FRMPD4: variants seen among roughly 807,000 people sequenced by gnomAD.
FRMPD4 encodes FERM and PDZ domain-containing protein 4.
Under a neutral mutation model 94.1 loss-of-function variants are expected in FRMPD4, and 22 were observed. The ratio of observed to expected loss-of-function variants is 0.23; its 90% CI spans 0.17 to 0.33. The LOEUF is 0.33. Ranked by LOEUF, FRMPD4 falls within the 10% of genes least tolerant of loss-of-function variation. The probability of loss-of-function intolerance (pLI) is 1.00; values close to 1 mark genes in which losing one functional copy is unlikely to be tolerated. For missense variants in FRMPD4, 1,111 were observed against 1,339.9 expected, an observed-to-expected ratio of 0.83 and a Z score of 2.67; for synonymous variants, 631 against 548.6, an observed-to-expected ratio of 1.15 and a Z score of -2.10.
At chrX:12,303,705 G>A (rs976594750) in intron 1 of FRMPD4, among the ~76,000 whole-genome samples, 1 of 111,730 alleles carries the variant, frequency 9.0e-6, no homozygotes, top group Non-Finnish European at 1.9e-5. Context: ...AATAAGAAGA[G>A]TTTAAAAAGG....
chrX:12,291,262 CTT>C (rs1569220344), intron 1 of FRMPD4, among the ~76,000 whole-genome samples: 1 of 112,024 alleles, frequency 8.9e-6, no homozygotes, highest in East Asian at 2.8e-4. Context: ...ACTACCTGAA[CTT>C]TTCTCTCCTT....
At chrX:12,536,585 T>C (rs1449558085) in intron 2 of FRMPD4, among the ~76,000 whole-genome samples, 1 of 111,915 alleles carries the variant, frequency 8.9e-6, no homozygotes, top group African/African-American at 3.2e-5. Flanking sequence ...ATTAATAATA[T>C]GGTAAAATAG....
At chrX:12,315,721 TG>T (rs2055103922) in intron 1 of FRMPD4, among the ~76,000 whole-genome samples, 1 of 112,093 alleles carries the variant, frequency 8.9e-6, no homozygotes, top group African/African-American at 3.2e-5. Context: ...ACAAACAAAA[TG>T]TTGTCATGGG....
At chrX:12,239,317 G>T (rs190803491) in intron 1 of FRMPD4, among the ~76,000 whole-genome samples, 6 of 112,501 alleles carry the variant, frequency 5.3e-5, no homozygotes, top group Admixed American at 4.7e-4. Context: ...TTTAACTTCA[G>T]GGAAATCTGG....
At chrX:11,843,459 T>C (rs868583974) in intron 1 of FRMPD4, among the ~76,000 whole-genome samples, 2 of 112,264 alleles carry the variant, frequency 1.8e-5, no homozygotes, top group African/African-American at 6.5e-5. Flanking sequence ...TACTTTTTCT[T>C]ATGTTCTTTA....
intron 1 of FRMPD4, among the ~76,000 whole-genome samples, chrX:12,355,876 C>A (rs2055887804): frequency 9.0e-6 from 1 of 111,716 alleles, no homozygotes; most frequent in Non-Finnish European, 1.9e-5. Context: ...TGATTAATGC[C>A]CACATGAGAA....
At chrX:12,560,477 GAAAAAAAA>G (rs199808235) in intron 2 of FRMPD4, among the ~76,000 whole-genome samples, 19,850 of 82,700 alleles carry the variant, frequency 0.24, 1,598 homozygotes, top group South Asian at 0.32. Flanking sequence ...CTTTAAAAAT[GAAAAAAAA>G]AAAAAAAAAA....
intron 1 of FRMPD4, among the ~76,000 whole-genome samples, chrX:12,161,835 C>G (rs1042903052): frequency 8.9e-6 from 1 of 111,876 alleles, no homozygotes; most frequent in Non-Finnish European, 1.9e-5. Flanking sequence ...CAAATAGTCT[C>G]ATTTCCGATA....
At chrX:12,471,665 G>C (rs2057514307) in intron 1 of FRMPD4, among the ~76,000 whole-genome samples, 1 of 111,854 alleles carries the variant, frequency 8.9e-6, no homozygotes, top group Non-Finnish European at 1.9e-5. Context: ...AGGGAACAAG[G>C]AGATTTGACG....
intron 1 of FRMPD4, among the ~76,000 whole-genome samples, chrX:11,850,512 C>A (rs755001503): frequency 8.9e-6 from 1 of 112,348 alleles, no homozygotes; most frequent in East Asian, 2.8e-4. Context: ...ATGTTCATAG[C>A]AGTATTATTC....
In FRMPD4 at chrX:12,104,361, G is replaced by A. The variant is rs773717730; in HGVS notation, c.95+226343G>A. ...GGGTCTAGTACCTATGGCACTAAAG[G>A]CCAGGGGAGAGGTGATGAGATAATA... On this transcript the variant is annotated intron_variant, in intron 3 of 18. Coordinates refer to the FRMPD4 transcript ENST00000640291. 1.9e-4 allele frequency among the ~76,000 whole-genome samples: 21 copies of A among 112,256 alleles called. 1 individual carries two copies. In the South Asian group the frequency reaches 7.1e-3, roughly 38 times the overall value.
intron 8 of FRMPD4, among the ~76,000 whole-genome samples, chrX:12,692,708 C>T (rs1425948166): frequency 8.9e-6 from 1 of 112,071 alleles, no homozygotes; most frequent in Non-Finnish European, 1.9e-5. Context: ...CCTTCTGATA[C>T]TAAAAGTAAA....
At chrX:12,670,940 A>T (rs1176026815) in intron 4 of FRMPD4, among the ~76,000 whole-genome samples, 1 of 112,686 alleles carries the variant, frequency 8.9e-6, no homozygotes, top group Non-Finnish European at 1.9e-5. Context: ...ATATGAACAA[A>T]CACTTCTCAA....
chrX:11,871,003 G>T (rs1008233625), intron 2 of FRMPD4, among the ~76,000 whole-genome samples: 1 of 112,321 alleles, frequency 8.9e-6, no homozygotes, highest in African/African-American at 3.2e-5. Flanking sequence ...TATTCCCTAG[G>T]TACTCACCAT....
At chrX:11,932,370 T>C (rs1035849319) in intron 3 of FRMPD4, among the ~76,000 whole-genome samples, 1 of 111,981 alleles carries the variant, frequency 8.9e-6, no homozygotes, top group African/African-American at 3.2e-5. Flanking sequence ...TTTCCTAGTA[T>C]TTACTTTTCT....
chrX:12,041,588 T>C (rs1181812990), intron 3 of FRMPD4, among the ~76,000 whole-genome samples: 6 of 111,418 alleles, frequency 5.4e-5, no homozygotes, highest in African/African-American at 1.6e-4. Flanking sequence ...ATTTTCTCTT[T>C]GTCTTTGGCT....
In FRMPD4 at chrX:11,982,629, A is replaced by G. The variant is rs1005510988; in HGVS notation, c.95+104611A>G. Reference sequence around the variant, plus strand: ...CTTTGTCCCGTGGACTGTATCTGGAAGAACTTTATTGGATGTCTTTCAGCT... The same window carrying G: ...CTTTGTCCCGTGGACTGTATCTGGAGGAACTTTATTGGATGTCTTTCAGCT... On this transcript the variant is annotated intron_variant, in intron 3 of 18. Coordinates refer to the FRMPD4 transcript ENST00000640291. 5.4e-5 allele frequency among the ~76,000 whole-genome samples: 6 copies of G among 111,767 alleles called. No homozygotes were observed. In the South Asian group the frequency reaches 1.1e-3, roughly 21 times the overall value.
chrX:12,139,118 G>C (rs1408841515), intron 1 of FRMPD4, 106 bp downstream of exon 1: 1 of 641,553 alleles, frequency 1.6e-6, no homozygotes, highest in Non-Finnish European at 2.3e-6. Context: ...AAAGCGCGAC[G>C]GGGCTTAAGA....
chrX:11,890,043 T>C (rs750563388), intron 3 of FRMPD4, among the ~76,000 whole-genome samples: 1 of 112,615 alleles, frequency 8.9e-6, no homozygotes, highest in Admixed American at 9.4e-5. Flanking sequence ...GGGCTCTTTC[T>C]CTTGTTGGAA....
Sources: gnomAD v4.1 joint callset for allele counts (sites outside exome capture counted in the v4.1 genomes callset) on GRCh38, gnomAD v4.1.1 for gene constraint, MANE v1.5 for transcripts, NCBI Gene and HGNC (gene_info 2026-07-23, HGNC 2026-07-21) for gene names.